The following TMEM217B variants were observed in gnomAD, a reference collection of about 807,000 sequenced individuals.
The protein encoded by TMEM217B is putative transmembrane protein 217B.
At chr6:37,229,325 G>C in the TMEM217B span, among the ~76,000 whole-genome samples, 1 of 120,106 alleles carries the variant, frequency 8.3e-6, no homozygotes, top group African/African-American at 3.1e-5. Context: ...CGTCTCCCTA[G>C]CAACTTTCAG....
At chr6:37,235,451 C>T in the TMEM217B span, among the ~76,000 whole-genome samples, 1 of 152,032 alleles carries the variant, frequency 6.6e-6, no homozygotes, top group Admixed American at 6.5e-5. Flanking sequence ...CTGCAAGCTC[C>T]GCCTCCCAGG....
the TMEM217B span, among the ~76,000 whole-genome samples, chr6:37,255,022 G>A: frequency 3.3e-5 from 5 of 152,206 alleles, no homozygotes; most frequent in African/African-American, 1.2e-4. Context: ...GATCTGACAG[G>A]AGGCGGAGCT....
the TMEM217B span, among the ~76,000 whole-genome samples, chr6:37,245,641 T>A: frequency 1.3e-5 from 2 of 151,986 alleles, no homozygotes; most frequent in Non-Finnish European, 2.9e-5. Context: ...ATTTATATCA[T>A]GGGCAGCAAA....
At chr6:37,217,122 C>T in the TMEM217B span, among the ~76,000 whole-genome samples, 35 of 152,300 alleles carry the variant, frequency 2.3e-4, no homozygotes, top group African/African-American at 7.2e-4. Flanking sequence ...GGGGAAACCC[C>T]GTCTCTACTA....
At chr6:37,240,236 A>C in the TMEM217B span, among the ~76,000 whole-genome samples, 7 of 152,242 alleles carry the variant, frequency 4.6e-5, no homozygotes, top group Admixed American at 2.6e-4. Context: ...ATCCAAGAGT[A>C]GCGTAGGTGG....
At chr6:37,232,707 C>T in the TMEM217B span, among the ~76,000 whole-genome samples, 1 of 152,196 alleles carries the variant, frequency 6.6e-6, no homozygotes, top group African/African-American at 2.4e-5. Context: ...AAGTATCTTT[C>T]CTCCTCTACC....
At chr6:37,215,570 C>CAAAAAA in the TMEM217B span, among the ~76,000 whole-genome samples, 1,263 of 72,352 alleles carry the variant, frequency 0.017, 15 homozygotes, top group Non-Finnish European at 0.021. Flanking sequence ...GACTCTGTCT[C>CAAAAAA]AAAAAAAAAA....
chr6:37,219,100 A>C, the TMEM217B span: 1 of 1,463,788 alleles, frequency 6.8e-7, no homozygotes, highest in Non-Finnish European at 9.3e-7. Flanking sequence ...GTAAATTACC[A>C]GGGTTTCTGC....
the TMEM217B span, chr6:37,215,282 G>C: frequency 1.9e-6 from 3 of 1,612,372 alleles, no homozygotes; most frequent in Non-Finnish European, 2.5e-6. Flanking sequence ...TAGTGTGGAA[G>C]CTAGACAAAT....
the TMEM217B span, among the ~76,000 whole-genome samples, chr6:37,231,620 C>G: frequency 2.0e-4 from 29 of 143,192 alleles, no homozygotes; most frequent in Non-Finnish European, 3.6e-4. Context: ...TGCGGTGAGC[C>G]GAGATTGCAC....
the TMEM217B span, among the ~76,000 whole-genome samples, chr6:37,239,938 C>T: frequency 0.013 from 2,020 of 151,348 alleles, 38 homozygotes; most frequent in African/African-American, 0.044. Context: ...GGAACAGAGA[C>T]TCAAACAATA....
At chr6:37,232,107 GGA>G in the TMEM217B span, among the ~76,000 whole-genome samples, 1 of 152,092 alleles carries the variant, frequency 6.6e-6, no homozygotes, top group African/African-American at 2.4e-5. Flanking sequence ...TTGTTGGGGG[GGA>G]GAGAGGGGTG....
chr6:37,215,583 A>G, the TMEM217B span, among the ~76,000 whole-genome samples: 1 of 149,640 alleles, frequency 6.7e-6, no homozygotes, highest in South Asian at 2.1e-4. Flanking sequence ...AAAAAAAAAA[A>G]AAAAAAAAAA....
At chr6:37,223,832 T>G in the TMEM217B span, among the ~76,000 whole-genome samples, 1,121 of 151,500 alleles carry the variant, frequency 7.4e-3, 14 homozygotes, top group Non-Finnish European at 0.011. Flanking sequence ...ATATATTTAT[T>G]TATAGAGATG....
chr6:37,213,473 C>A, the TMEM217B span, among the ~76,000 whole-genome samples: 18 of 152,248 alleles, frequency 1.2e-4, no homozygotes, highest in African/African-American at 3.4e-4. Context: ...TTAGAAATTT[C>A]CCTGATTTGC....
chr6:37,239,080 C>T, the TMEM217B span, among the ~76,000 whole-genome samples: 4 of 152,092 alleles, frequency 2.6e-5, no homozygotes, highest in South Asian at 2.1e-4. Context: ...TGCAGTGAGC[C>T]GAGATCATGC....
the TMEM217B span, chr6:37,218,129 G>A: frequency 1.3e-5 from 14 of 1,076,482 alleles, no homozygotes; most frequent in Non-Finnish European, 1.6e-5. Context: ...GAAAGAAAAG[G>A]GCCAACATGA....
chr6:37,235,123 G>A, the TMEM217B span, among the ~76,000 whole-genome samples: 1 of 152,128 alleles, frequency 6.6e-6, no homozygotes, highest in Non-Finnish European at 1.5e-5. Context: ...TAAACCATGA[G>A]CTAAAAACAT....
chr6:37,232,395 C>G, the TMEM217B span, among the ~76,000 whole-genome samples: 130,223 of 152,258 alleles, frequency 0.86, 56,036 homozygotes, highest in African/African-American at 0.95. Context: ...GTTTTGTTTT[C>G]TTTTTTTTGA....
Sources: gnomAD v4.1 joint callset for allele counts (sites outside exome capture counted in the v4.1 genomes callset) on GRCh38, gnomAD v4.1.1 for gene constraint, MANE v1.5 for transcripts, NCBI Gene and HGNC (gene_info 2026-07-23, HGNC 2026-07-21) for gene names.